Variants in TMEM237 observed in about 807,000 individuals in gnomAD.
The protein encoded by TMEM237 is amyotrophic lateral sclerosis 2 (juvenile) chromosome region, candidate 4.
Under a neutral mutation model 59.1 loss-of-function variants are expected in TMEM237, and 51 were observed. The observed-to-expected ratio is 0.86, with a 90% CI of 0.69 to 1.09. TMEM237 has a LOEUF of 1.09. Among genes scored for constraint, TMEM237 ranks in the 50% least tolerant of loss-of-function variants. The pLI is 0.00. For missense variants in TMEM237, 475 were observed against 478.3 expected, an observed-to-expected ratio of 0.99 and a Z score of 0.06; for synonymous variants, 140 against 166.1, an observed-to-expected ratio of 0.84 and a Z score of 1.21.
rs749737508 is a variant in TMEM237, at chr2:201,640,914, C to A, written c.53G>T (p.Arg18Leu). The change falls in exon 2 of 13, where the codon CGA becomes CTA. Residue 18 changes from arginine (R) to leucine (L), a missense_variant. Physicochemically the swap from Arg to Leu is moderately radical, Grantham distance 102. Coordinates refer to ENST00000409883, the MANE Select transcript of TMEM237 (RefSeq NM_001044385.3). ...TTACCTTGGCACAGGTGGAAGAGCT[C>A]GTGGAGGACGCTGTGGCGGAAAAAA... The part of the protein sequence containing the change: ...RLEEGHLRPP[R>L]ALPPVPSQDD... 1.2e-6 allele frequency: 2 copies of A among 1,601,364 alleles called. No homozygotes were observed. The highest frequency in any genetic ancestry group is 2.7e-5 in the African/African-American group (2 of 74,646).
chr2:201,625,072 A>G (rs924487146), intron 12 of TMEM237, among the ~76,000 whole-genome samples: 1 of 152,212 alleles, frequency 6.6e-6, no homozygotes, highest in Non-Finnish European at 1.5e-5. Flanking sequence ...AATATCCATA[A>G]AAGATGTTTG....
intron 5 of TMEM237, among the ~76,000 whole-genome samples, chr2:201,634,101 T>C (rs1488863868): frequency 6.6e-6 from 1 of 152,210 alleles, no homozygotes; most frequent in East Asian, 1.9e-4. Context: ...TTTCTATCAG[T>C]GTAGGGAGCT....
At chr2:201,625,238 T>C (rs2105896900) in intron 12 of TMEM237, among the ~76,000 whole-genome samples, 1 of 152,090 alleles carries the variant, frequency 6.6e-6, no homozygotes, top group East Asian at 1.9e-4. Context: ...GGCGGGCGCC[T>C]GTAGTTCCAG....
Position 201,639,004 on chromosome 2 carries a change from T to C in TMEM237, c.121A>G (p.Thr41Ala), listed in dbSNP as rs772018656. 16 of 1,584,130 alleles carry C rather than the reference T, an allele frequency of 1.0e-5. No individual in the cohort carries two copies. In the East Asian group the frequency reaches 3.2e-4, roughly 31 times the overall value. The change falls in exon 4 of 13, where the codon ACA becomes GCA. Residue 41 changes from threonine (T) to alanine (A), a missense_variant. Thr to Ala is a moderately conservative substitution (Grantham distance 58). Transcript: ENST00000409883. ...LSRPKKKKPR[T>A]KNTPASASLE... ...AACGTCTTACCTGGTGTGTTTTTTG[T>C]TCTGGGCTTCTTTTTCTTAGGACGA...
chr2:201,626,216 ATG>A, intron 11 of TMEM237, 69 bp from the exon 12 acceptor site: 1 of 1,522,300 alleles, frequency 6.6e-7, no homozygotes, highest in Non-Finnish European at 8.8e-7. Context: ...TATCTATTTT[ATG>A]AACTTTAAGA....
chr2:201,640,994 C>T (rs1328935795), intron 1 of TMEM237, 70 bp from the exon 2 acceptor site: 2 of 1,406,306 alleles, frequency 1.4e-6, no homozygotes, highest in East Asian at 2.4e-5. Flanking sequence ...TACCATCACG[C>T]TATTTTTTTT....
Position 201,643,338 on chromosome 2 carries a change from GACGCGCCCCTCGCCGCTCACCA to G in TMEM237, c.41_42+20del, listed in dbSNP as rs1687472210. On this transcript the variant is annotated splice_donor_variant and splice_donor_5th_base_variant and coding_sequence_variant and intron_variant, in exon 1 of 13. Transcript: ENST00000409883. LOFTEE classifies it high-confidence loss of function. This position sits in a 1 kb window ranked among gnomAD's most constrained non-coding sequence, Gnocchi z 4.3. ...TGTTTACCCGCCACCTCTCGAGGCC[GACGCGCCCCTCGCCGCTCACCA>G]GGTGGCCCTCCTCCAGCCGAGCCCC... is the stretch of plus-strand genomic sequence containing the variant. The G allele has an allele frequency of 6.5e-7, 1 of 1,538,634 alleles. No individual in the cohort carries two copies. The highest frequency in any genetic ancestry group is 1.4e-5 in the African/African-American group (1 of 71,410).
intron 12 of TMEM237, 119 bp downstream of exon 12, chr2:201,625,907 T>C: frequency 9.3e-7 from 1 of 1,077,410 alleles, no homozygotes; most frequent in East Asian, 2.7e-5. Flanking sequence ...CTTGTATCAT[T>C]TTAATTTAAA....
intron 4 of TMEM237, among the ~76,000 whole-genome samples, chr2:201,637,347 C>A (rs1057134765): frequency 6.6e-6 from 1 of 152,200 alleles, no homozygotes; most frequent in African/African-American, 2.4e-5. Context: ...TAAGTCTCTT[C>A]ATTTGGTCAT....
chr2:201,639,950 A>G (rs764829608), intron 3 of TMEM237, among the ~76,000 whole-genome samples: 1 of 152,344 alleles, frequency 6.6e-6, no homozygotes, highest in South Asian at 2.1e-4. Context: ...GGGTTTTAGT[A>G]TAGTATAACC....
intron 1 of TMEM237, chr2:201,642,721 C>G: frequency 2.0e-6 from 3 of 1,534,438 alleles, no homozygotes; most frequent in Non-Finnish European, 2.6e-6. Context: ...AATGCGTCAT[C>G]GGGCCGCGCC....
At chr2:201,632,798 AAC>A (rs1271628350) in intron 6 of TMEM237, among the ~76,000 whole-genome samples, 1 of 152,226 alleles carries the variant, frequency 6.6e-6, no homozygotes, top group African/African-American at 2.4e-5. Context: ...AGAACGGACT[AAC>A]ACAGACATTG....
chr2:201,633,263 C>T (rs1009961661), intron 6 of TMEM237, 48 bp downstream of exon 6: 1 of 1,554,456 alleles, frequency 6.4e-7, no homozygotes, highest in Non-Finnish European at 8.7e-7. Context: ...CCAAACAAAG[C>T]ATCAGGGTAA....
At position 201,635,179 on chromosome 2, in the gene TMEM237, C is replaced by A. The variant is rs1221316605; in HGVS notation, c.274+1569G>T. 6.6e-6 allele frequency among the ~76,000 whole-genome samples: 1 copy of A among 152,152 alleles called. No homozygotes were observed. The highest frequency in any genetic ancestry group is 1.5e-5 in the Non-Finnish European group (1 of 68,038). On this transcript the variant is annotated intron_variant, in intron 5 of 12. Transcript: ENST00000409883. The surrounding 1 kb of genome is among the most constrained non-coding windows in gnomAD (Gnocchi z 4.5). ...TCTTTTTACTATGTAGATGTATGTA[C>A]ATATTTACGTTCTGGGTTGAACTGT...
intron 8 of TMEM237, 147 bp downstream of exon 8, chr2:201,629,582 C>A: frequency 1.6e-6 from 2 of 1,286,538 alleles, no homozygotes; most frequent in Non-Finnish European, 1.0e-6. Context: ...TCACTCAATT[C>A]CAATAGGATG....
At position 201,621,698 on chromosome 2, in the gene TMEM237, CCT is replaced by C. The variant is rs1475245322; in HGVS notation, c.*2555_*2556del. The C allele has an allele frequency of 6.6e-6, 1 of 152,540 alleles. No homozygotes were observed. Among genetic ancestry groups the C allele is most frequent in the Non-Finnish European group, 1.5e-5 (1 of 68,038 alleles). 9.4% of individuals were successfully genotyped at this position (152,540 alleles called of 1,614,324 possible). A position where few individuals can be genotyped will look rare whatever the true frequency, so the allele number is the denominator to read the frequency against. ...CAAGGGCTCTGATCAGCAAGGTGCC[CCT>C]GTGTTATCTACCCAGTGCAGTGCTT... is the stretch of plus-strand genomic sequence containing the variant. On this transcript the variant is annotated 3_prime_UTR_variant, in exon 13 of 13. Coordinates refer to ENST00000409883, the MANE Select transcript of TMEM237 (RefSeq NM_001044385.3).
chr2:201,628,175 A>G, intron 9 of TMEM237, 26 bp from the exon 10 acceptor site: 1 of 1,516,610 alleles, frequency 6.6e-7, no homozygotes, highest in Non-Finnish European at 9.0e-7. Context: ...GTTTCTTGTC[A>G]CAGCGCAGTT....
chr2:201,642,517 C>T (rs757352565), intron 1 of TMEM237: 64 of 1,426,400 alleles, frequency 4.5e-5, no homozygotes, highest in Non-Finnish European at 5.9e-5. Flanking sequence ...ACGTTCCACC[C>T]ACCCAGAGAC....
rs1300626911 is a variant in TMEM237 at position 201,621,800 on chromosome 2, T to A, written c.*2455A>T. 1 of 152,634 alleles carries A rather than the reference T, an allele frequency of 6.6e-6. No individual in the cohort carries two copies. The highest frequency in any genetic ancestry group is 2.4e-5 in the African/African-American group (1 of 41,454). The allele number at this position is 152,634 out of a possible 1,614,324, so 9.5% of individuals were successfully genotyped here. A position where few individuals can be genotyped will look rare whatever the true frequency, so the allele number is the denominator to read the frequency against. On this transcript the variant is annotated 3_prime_UTR_variant, in exon 13 of 13. Transcript: ENST00000409883. ...ATGATGCCCTACCAATTGGACTGGA[T>A]CAGCTTGCATGTCAATCTAGTCCAC...
Sources: gnomAD v4.1 joint callset for allele counts (sites outside exome capture counted in the v4.1 genomes callset) on GRCh38, gnomAD v4.1.1 for gene constraint, Gnocchi (gnomAD v3.1) non-coding constraint, MANE v1.5 for transcripts, NCBI Gene and HGNC (gene_info 2026-07-23, HGNC 2026-07-21) for gene names.